Variants in KCNN2 observed in about 807,000 individuals in gnomAD.
The protein encoded by KCNN2 is potassium calcium-activated channel subfamily N member 2, also known as small conductance calcium-activated potassium channel protein 2.
In KCNN2, 24 loss-of-function variants were observed where a neutral mutation model predicts 55.5. The ratio of observed to expected loss-of-function variants is 0.43; its 90% CI spans 0.31 to 0.61. The LOEUF (loss-of-function observed/expected upper bound fraction) is 0.61. Ranked by LOEUF, KCNN2 falls within the 20% of genes least tolerant of loss-of-function variation. The probability of loss-of-function intolerance (pLI) is 0.08; values close to 1 mark genes in which losing one functional copy is unlikely to be tolerated. For missense variants in KCNN2, 754 were observed against 853.6 expected (o/e 0.88, Z 1.45); for synonymous variants, 431 against 336.1 (o/e 1.28, Z -3.09).
chr5:114,366,207 G>T (rs1170903498), intron 2 of KCNN2, among the ~76,000 whole-genome samples: 1 of 152,176 alleles, frequency 6.6e-6, no homozygotes. Context: ...ATTAGGGTAT[G>T]TATTGCATGG....
intron 3 of KCNN2, among the ~76,000 whole-genome samples, chr5:114,429,913 G>A (rs1273052249): frequency 7.2e-6 from 1 of 139,386 alleles, no homozygotes; most frequent in Non-Finnish European, 1.5e-5. Context: ...TGATTTGCCT[G>A]TATCAATGAT....
chr5:114,449,218 C>T (rs1760543226), intron 3 of KCNN2, among the ~76,000 whole-genome samples: 1 of 152,120 alleles, frequency 6.6e-6, no homozygotes, highest in African/African-American at 2.4e-5. Context: ...CTAACCTTTT[C>T]CTCTCCCTCC....
intron 1 of KCNN2, among the ~76,000 whole-genome samples, chr5:114,173,290 T>G (rs1048965967): frequency 3.9e-5 from 6 of 152,100 alleles, no homozygotes; most frequent in Non-Finnish European, 8.8e-5. Flanking sequence ...TTGATCTATG[T>G]GTCTGTTTTT....
rs534349617 is a variant in KCNN2, at chr5:114,478,763, T to A, written c.1890+5599T>A. Among the ~76,000 whole-genome samples, 3 of 152,208 alleles carry A rather than the reference T, an allele frequency of 2.0e-5. No homozygotes were observed. The East Asian group carries it at 5.8e-4, about 29-fold the overall frequency. On this transcript the variant is annotated intron_variant, in intron 5 of 7. Transcript: ENST00000673685. ...GCCCATATTCAACATTCTTAAAGAA[T>A]TTCCAACCTAGAATTTCGTTATCTG...
chr5:114,126,784 T>C (rs1242375504), intron 1 of KCNN2, among the ~76,000 whole-genome samples: 1 of 152,104 alleles, frequency 6.6e-6, no homozygotes, highest in South Asian at 2.1e-4. Flanking sequence ...GCAAGTCCCT[T>C]CCACCTATGA....
chr5:114,096,044 G>A (rs1751249171), intron 1 of KCNN2, among the ~76,000 whole-genome samples: 1 of 152,018 alleles, frequency 6.6e-6, no homozygotes, highest in African/African-American at 2.4e-5. Flanking sequence ...GAAGTCCCCT[G>A]GGGACTGAGT....
At chr5:114,387,124 G>T (rs903721448) in intron 2 of KCNN2, among the ~76,000 whole-genome samples, 1 of 152,134 alleles carries the variant, frequency 6.6e-6, no homozygotes, top group Admixed American at 6.5e-5. Flanking sequence ...CATTGAAAAA[G>T]AATATTTGTC....
chr5:114,301,503 C>A (rs183399956), intron 2 of KCNN2, among the ~76,000 whole-genome samples: 2 of 152,238 alleles, frequency 1.3e-5, no homozygotes, highest in South Asian at 2.1e-4. Context: ...CATGAAACAC[C>A]CTTTTAGTGT....
chr5:114,163,492 T>G lies in KCNN2; in HGVS notation c.-270-57988T>G, dbSNP rs10036987. On this transcript the variant is annotated intron_variant, in intron 1 of 10. Coordinates refer to the KCNN2 transcript ENST00000512097. ...TACCTAGTTTATTGAGAATTTTTAA[T>G]GTGAATGGATATTGAATTTTATCAA... 2.0e-5 allele frequency among the ~76,000 whole-genome samples: 3 copies of G among 152,140 alleles called. No homozygotes were observed. The South Asian group carries it at 6.2e-4, about 31-fold the overall frequency.
intron 2 of KCNN2, among the ~76,000 whole-genome samples, chr5:114,224,592 CAGAA>C (rs1484451561): frequency 5.9e-5 from 9 of 152,150 alleles, no homozygotes; most frequent in Non-Finnish European, 1.2e-4. Flanking sequence ...CAAAAGAAAA[CAGAA>C]TCCCGCTGGA....
At chr5:114,147,487 T>C (rs115536296) in intron 1 of KCNN2, among the ~76,000 whole-genome samples, 383 of 152,232 alleles carry the variant, frequency 2.5e-3, no homozygotes, top group African/African-American at 8.9e-3. Flanking sequence ...GAAATACCCA[T>C]TCAACAAGAG....
chr5:114,237,624 G>A (rs1054803045), intron 2 of KCNN2, among the ~76,000 whole-genome samples: 2 of 152,058 alleles, frequency 1.3e-5, no homozygotes, highest in African/African-American at 4.8e-5. Flanking sequence ...TTTACCTGAT[G>A]AAAATCTTCC....
chr5:114,096,793 A>T (rs758114130), intron 1 of KCNN2, among the ~76,000 whole-genome samples: 1 of 152,168 alleles, frequency 6.6e-6, no homozygotes, highest in Non-Finnish European at 1.5e-5. Flanking sequence ...CTAATTGACA[A>T]CCATGCAAAC....
chr5:114,316,170 G>A (rs565310125), intron 2 of KCNN2, among the ~76,000 whole-genome samples: 1 of 152,092 alleles, frequency 6.6e-6, no homozygotes, highest in South Asian at 2.1e-4. Context: ...ATTGCCAGGA[G>A]CTCTTCTGAC....
intron 1 of KCNN2, among the ~76,000 whole-genome samples, chr5:114,187,649 G>A (rs2112559545): frequency 6.7e-6 from 1 of 150,296 alleles, no homozygotes; most frequent in South Asian, 2.1e-4. Context: ...GGGACTACAG[G>A]CACCCACCAC....
At chr5:114,306,116 G>A (rs1295017472) in intron 2 of KCNN2, among the ~76,000 whole-genome samples, 1 of 152,200 alleles carries the variant, frequency 6.6e-6, no homozygotes, top group Non-Finnish European at 1.5e-5. Flanking sequence ...GAGCAACACT[G>A]TGAATTTGAA....
At chr5:114,249,270 T>TTTTC (rs1554077049) in intron 2 of KCNN2, among the ~76,000 whole-genome samples, 20 of 95,670 alleles carry the variant, frequency 2.1e-4, no homozygotes, top group East Asian at 1.2e-3. Flanking sequence ...GTATATTTCT[T>TTTTC]TTTCTTTCTT....
intron 1 of KCNN2, among the ~76,000 whole-genome samples, chr5:114,089,445 C>T (rs1461632253): frequency 6.6e-6 from 1 of 152,106 alleles, no homozygotes; most frequent in Non-Finnish European, 1.5e-5. Flanking sequence ...GCCAGTTGTT[C>T]AGTGTACAAA....
intron 7 of KCNN2, among the ~76,000 whole-genome samples, chr5:114,495,409 T>C (rs1377320845): frequency 6.6e-6 from 1 of 152,236 alleles, no homozygotes; most frequent in Non-Finnish European, 1.5e-5. Flanking sequence ...AAACTTCATT[T>C]ATATTCTACC....
Sources: allele counts gnomAD v4.1 joint callset (sites outside exome capture counted in the v4.1 genomes callset), GRCh38; gene constraint gnomAD v4.1.1; transcripts MANE v1.5; gene names NCBI Gene and HGNC (gene_info 2026-07-23, HGNC 2026-07-21).